JAK2: variants seen among roughly 807,000 people sequenced by gnomAD.
JAK2 encodes tyrosine-protein kinase JAK2.
Under a neutral mutation model 139.3 loss-of-function variants are expected in JAK2, and 86 were observed. The observed-to-expected ratio is 0.62, with a 90% CI of 0.52 to 0.74. JAK2 has a LOEUF of 0.74. Ranked by LOEUF, JAK2 falls within the 30% of genes least tolerant of loss-of-function variation. JAK2 has a pLI of 0.00. For synonymous variants in JAK2, 490 were observed against 437.7 expected (o/e 1.12, Z -1.49); for missense variants, 1,421 against 1,360.3 (o/e 1.04, Z -0.70).
intron 5 of JAK2, among the ~76,000 whole-genome samples, chr9:5,049,070 T>C (rs1353790666): frequency 6.6e-6 from 1 of 152,190 alleles, no homozygotes; most frequent in African/African-American, 2.4e-5. Context: ...CTTTAGACAA[T>C]ATATAGTTAA....
chr9:4,987,247 A>G (rs1819998595), intron 2 of JAK2, among the ~76,000 whole-genome samples: 1 of 152,176 alleles, frequency 6.6e-6, no homozygotes, highest in African/African-American at 2.4e-5. Flanking sequence ...TTAGGGACTC[A>G]TTAGGGAATT....
intron 8 of JAK2, among the ~76,000 whole-genome samples, chr9:5,056,758 CT>C (rs1394029525): frequency 2.6e-5 from 4 of 152,070 alleles, no homozygotes; most frequent in African/African-American, 9.7e-5. Context: ...ATAAATGTTT[CT>C]GGGAGAGTTT....
Position 5,085,275 on chromosome 9 carries a change from T to C in JAK2, c.2571+3414T>C, listed in dbSNP as rs772587761. 8.6e-6 allele frequency: 6 copies of C among 696,830 alleles called. No homozygotes were observed. The Admixed American group carries it at 1.1e-4, about 12-fold the overall frequency. The allele number at this position is 696,830 out of a possible 1,614,324, so 43.2% of individuals were successfully genotyped here. A position where few individuals can be genotyped will look rare whatever the true frequency, so the allele number is the denominator to read the frequency against. On this transcript the variant is annotated intron_variant, in intron 19 of 24. Coordinates refer to ENST00000381652, the MANE Select transcript of JAK2 (RefSeq NM_004972.4). ...ACCTGAGATTCACATCAGCTGATGTTGGTTTGCCTATGTTAGAACATGAGG... is the reference window on the plus strand; with the variant it reads ...ACCTGAGATTCACATCAGCTGATGTCGGTTTGCCTATGTTAGAACATGAGG...
chr9:5,068,415 CTG>C (rs1818717013), intron 10 of JAK2, among the ~76,000 whole-genome samples: 2 of 152,128 alleles, frequency 1.3e-5, no homozygotes, highest in Non-Finnish European at 1.5e-5. Flanking sequence ...AGTGGAATGG[CTG>C]TATGTTCACC....
intron 2 of JAK2, among the ~76,000 whole-genome samples, chr9:4,990,879 A>T (rs1420886367): frequency 6.6e-6 from 1 of 151,894 alleles, no homozygotes; most frequent in Non-Finnish European, 1.5e-5. Context: ...GACTTTTCCA[A>T]AGCTCTCCAT....
intron 22 of JAK2, chr9:5,112,281 T>C (rs564411725): frequency 1.1e-5 from 3 of 266,230 alleles, no homozygotes; most frequent in Admixed American, 9.9e-5. Flanking sequence ...AGCGCCAGCC[T>C]CATGCACATC....
At chr9:5,124,214 T>A (rs1823828238) in intron 23 of JAK2, among the ~76,000 whole-genome samples, 1 of 152,092 alleles carries the variant, frequency 6.6e-6, no homozygotes. Flanking sequence ...TTTAGCTTAA[T>A]AAAGTCTCAT....
chr9:5,042,386 C>G (rs968159748), intron 4 of JAK2, among the ~76,000 whole-genome samples: 29 of 152,220 alleles, frequency 1.9e-4, no homozygotes, highest in African/African-American at 6.7e-4. Context: ...ATCCACCCGC[C>G]TCGGCCTCCC....
At chr9:5,033,298 C>T (rs1214629846) in intron 4 of JAK2, among the ~76,000 whole-genome samples, 4 of 152,128 alleles carry the variant, frequency 2.6e-5, no homozygotes, top group African/African-American at 9.7e-5. Flanking sequence ...AGAATGGAAC[C>T]AAGTTGGAAA....
intron 2 of JAK2, among the ~76,000 whole-genome samples, chr9:5,005,691 GTTT>G (rs1350684227): frequency 6.6e-6 from 1 of 152,084 alleles, no homozygotes; most frequent in Non-Finnish European, 1.5e-5. Context: ...GTGGGTAAGT[GTTT>G]TTTATTTTCT....
chr9:5,068,410 A>G (rs1818716657), intron 10 of JAK2, among the ~76,000 whole-genome samples: 1 of 152,222 alleles, frequency 6.6e-6, no homozygotes, highest in Admixed American at 6.5e-5. Context: ...GGTGCAGTGG[A>G]ATGGCTGTAT....
At chr9:5,023,024 A>G (rs1221892592) in intron 3 of JAK2, among the ~76,000 whole-genome samples, 1 of 152,206 alleles carries the variant, frequency 6.6e-6, no homozygotes, top group Non-Finnish European at 1.5e-5. Flanking sequence ...GTACATTTCA[A>G]GTTCCTTCTA....
At chr9:5,041,154 G>A in intron 4 of JAK2, 2 of 1,144,452 alleles carry the variant, frequency 1.7e-6, no homozygotes, top group Non-Finnish European at 2.6e-6. Flanking sequence ...CTGATCACGC[G>A]CATGGATTAT....
intron 3 of JAK2, among the ~76,000 whole-genome samples, chr9:5,028,568 T>C (rs1358028778): frequency 6.6e-6 from 1 of 152,238 alleles, no homozygotes; most frequent in African/African-American, 2.4e-5. Flanking sequence ...TTTCTAGCTA[T>C]GAAACTACTC....
intron 19 of JAK2, among the ~76,000 whole-genome samples, chr9:5,087,155 C>T (rs1586765166): frequency 6.6e-6 from 1 of 152,172 alleles, no homozygotes; most frequent in African/African-American, 2.4e-5. Flanking sequence ...TAAAGACATA[C>T]CCGAGACTGG....
intron 4 of JAK2, among the ~76,000 whole-genome samples, chr9:5,042,462 G>A (rs1306419877): frequency 1.3e-5 from 2 of 152,116 alleles, no homozygotes; most frequent in African/African-American, 4.8e-5. Context: ...TTCTACACCT[G>A]TGTCTAGTCC....
intron 22 of JAK2, chr9:5,097,858 C>T (rs1412995820): frequency 6.6e-6 from 1 of 152,210 alleles, no homozygotes; most frequent in Admixed American, 6.5e-5. Flanking sequence ...TTCCCCCATT[C>T]TCAGGTTATA....
At chr9:5,047,813 C>T (rs1324143470) in intron 5 of JAK2, among the ~76,000 whole-genome samples, 2 of 152,046 alleles carry the variant, frequency 1.3e-5, no homozygotes, top group African/African-American at 4.8e-5. Flanking sequence ...ATTGTCCAGG[C>T]TGGTTTCAAA....
In JAK2 at chr9:4,998,707, C is replaced by T. The variant is rs186024669; in HGVS notation, c.-26+12685C>T. The stretch of plus-strand genomic sequence containing the variant: ...CATTAAGCATGATTCTAAGAAGTAG[C>T]TCAAAATCTCCTAAGACCAAAAACC... On this transcript the variant is annotated intron_variant, in intron 2 of 24. Transcript: ENST00000381652. Among the ~76,000 whole-genome samples the T allele has an allele frequency of 9.0e-3, 1,367 of 151,284 alleles. 11 individuals carry two copies. The highest frequency in any genetic ancestry group is 0.013 in the Non-Finnish European group (902 of 67,830).
Sources: gnomAD v4.1 joint callset for allele counts (sites outside exome capture counted in the v4.1 genomes callset) on GRCh38, gnomAD v4.1.1 for gene constraint, MANE v1.5 for transcripts, NCBI Gene and HGNC (gene_info 2026-07-23, HGNC 2026-07-21) for gene names.